ERCC8: variants seen among roughly 807,000 people sequenced by gnomAD.
ERCC8 encodes the protein ERCC excision repair 8, CSA ubiquitin ligase complex subunit.
In ERCC8, 52 loss-of-function variants were observed where a neutral mutation model predicts 54.9. The ratio of observed to expected loss-of-function variants is 0.95; its 90% CI spans 0.76 to 1.19. The LOEUF is 1.19. Among genes scored for constraint, ERCC8 ranks in the 50% most tolerant of loss-of-function variants. The pLI, the probability that ERCC8 is intolerant of heterozygous loss-of-function variation, is 0.00. For missense variants in ERCC8, 514 were observed against 466.1 expected (o/e 1.10, Z -0.95); for synonymous variants, 146 against 157.2 (o/e 0.93, Z 0.53).
intron 5 of ERCC8, 108 bp downstream of exon 5, chr5:60,904,657 TATATATATATATATATATATATATATA>T: frequency 3.0e-5 from 4 of 135,534 alleles, no homozygotes; most frequent in East Asian, 2.1e-4. Flanking sequence ...TATATATATA[TATATATATATATATATATATATATATA>T]AAATTGTGAT....
chr5:60,918,673 T>C (rs966124539), intron 3 of ERCC8: 1 of 411,484 alleles, frequency 2.4e-6, no homozygotes, highest in Non-Finnish European at 4.5e-6. Context: ...CCAACTACAC[T>C]GGTCTTCTTT....
chr5:60,911,901 T>C (rs1320508552), intron 4 of ERCC8, among the ~76,000 whole-genome samples: 2 of 152,176 alleles, frequency 1.3e-5, no homozygotes, highest in African/African-American at 2.4e-5. Flanking sequence ...TGGATGGTTG[T>C]AGATGTGTGG....
In ERCC8 at chr5:60,870,651, G is replaced by C. The variant is rs1235735993; in HGVS notation, c.*3964C>G. On this transcript the variant is annotated 3_prime_UTR_variant, in exon 12 of 12. Coordinates refer to ENST00000676185, the MANE Select transcript of ERCC8 (RefSeq NM_000082.4). ...CCCTCTAGTCTGGGTGACAGAATGA[G>C]ATTTTGTCTCAAAAAAAAAAAAGGG... is the stretch of plus-strand genomic sequence containing the variant. Among the ~76,000 whole-genome samples, 1 of 149,262 alleles carries C rather than the reference G, an allele frequency of 6.7e-6. No individual in the cohort carries two copies. Among genetic ancestry groups the C allele is most frequent in the African/African-American group, 2.5e-5 (1 of 40,400 alleles).
chr5:60,882,537 G>A (rs1486951358), intron 11 of ERCC8, among the ~76,000 whole-genome samples: 1 of 152,068 alleles, frequency 6.6e-6, no homozygotes, highest in Non-Finnish European at 1.5e-5. Flanking sequence ...TGTGACTACA[G>A]GCGCATGCCA....
chr5:60,921,403 G>A (rs1749596623), intron 3 of ERCC8, among the ~76,000 whole-genome samples: 2 of 151,872 alleles, frequency 1.3e-5, no homozygotes, highest in Admixed American at 1.3e-4. Context: ...TTGAATGTAG[G>A]TGAAGAGAAA....
intron 1 of ERCC8, among the ~76,000 whole-genome samples, chr5:60,938,498 C>T (rs574246018): frequency 9.9e-4 from 151 of 151,990 alleles, no homozygotes; most frequent in Middle Eastern, 3.4e-3. Context: ...GGATTACAGG[C>T]GTGTGCCACC....
chr5:60,894,587 GC>G (rs1041986019), intron 9 of ERCC8, among the ~76,000 whole-genome samples: 8 of 150,904 alleles, frequency 5.3e-5, no homozygotes, highest in African/African-American at 2.0e-4. Flanking sequence ...GGTGTAGTGT[GC>G]AGGCTCAGCA....
chr5:60,933,216 CTTTTTTTTTTT>C (rs143139297), intron 1 of ERCC8, among the ~76,000 whole-genome samples: 6 of 89,486 alleles, frequency 6.7e-5, no homozygotes, highest in Admixed American at 3.4e-4. Context: ...CCTTTTTTTT[CTTTTTTTTTTT>C]TTTTTTTTTG....
intron 5 of ERCC8, among the ~76,000 whole-genome samples, 175 bp from the exon 6 acceptor site, chr5:60,903,891 TAC>T (rs1252603920): frequency 1.3e-5 from 2 of 152,098 alleles, no homozygotes; most frequent in Admixed American, 6.6e-5. Context: ...TTATTTTAAC[TAC>T]AGTTATATTT....
At chr5:60,876,741 T>C (rs1293616125) in intron 11 of ERCC8, among the ~76,000 whole-genome samples, 1 of 152,236 alleles carries the variant, frequency 6.6e-6, no homozygotes, top group Non-Finnish European at 1.5e-5. Context: ...GTTTTTTTCT[T>C]GTAAATTTGT....
At position 60,871,323 on chromosome 5, in the gene ERCC8, T is replaced by C. The variant is rs751385139; in HGVS notation, c.*3292A>G. ...TGTTATAACAAATGACAGAGAGGGA[T>C]TTATATAAGCTGTAACTGCAAAATA... On this transcript the variant is annotated 3_prime_UTR_variant, in exon 12 of 12. Coordinates refer to ENST00000676185, the MANE Select transcript of ERCC8 (RefSeq NM_000082.4). Among the ~76,000 whole-genome samples, 3 of 152,220 alleles carry C rather than the reference T, an allele frequency of 2.0e-5. No homozygotes were observed. Among genetic ancestry groups the C allele is most frequent in the Non-Finnish European group, 4.4e-5 (3 of 68,038 alleles).
chr5:60,916,857 T>C (rs144355002), intron 4 of ERCC8, among the ~76,000 whole-genome samples: 15 of 152,146 alleles, frequency 9.9e-5, no homozygotes, highest in African/African-American at 3.6e-4. Flanking sequence ...TACTCAGCAG[T>C]TACTGTACAT....
chr5:60,878,562 C>T (rs1448772515), intron 11 of ERCC8, among the ~76,000 whole-genome samples: 3 of 152,156 alleles, frequency 2.0e-5, no homozygotes, highest in Non-Finnish European at 2.9e-5. Flanking sequence ...TGTTATTGGT[C>T]TATTCAGAGA....
chr5:60,924,933 G>A (rs1749704183), intron 2 of ERCC8, among the ~76,000 whole-genome samples: 1 of 151,928 alleles, frequency 6.6e-6, no homozygotes, highest in African/African-American at 2.4e-5. Context: ...TTTATTATAT[G>A]TTTATAAAAC....
intron 1 of ERCC8, among the ~76,000 whole-genome samples, chr5:60,931,223 A>C (rs1439033295): frequency 6.6e-6 from 1 of 152,192 alleles, no homozygotes; most frequent in Non-Finnish European, 1.5e-5. Flanking sequence ...TCTCCTGATT[A>C]TAAGATTAAT....
chr5:60,933,028 C>T (rs1013339336), intron 1 of ERCC8, among the ~76,000 whole-genome samples: 2 of 152,022 alleles, frequency 1.3e-5, no homozygotes, highest in African/African-American at 2.4e-5. Context: ...TGGCTTAGTT[C>T]GTTTCCATGC....
intron 4 of ERCC8, among the ~76,000 whole-genome samples, chr5:60,913,864 C>G (rs1749347325): frequency 6.6e-6 from 1 of 152,102 alleles, no homozygotes; most frequent in African/African-American, 2.4e-5. Flanking sequence ...AGTAGTTATT[C>G]AGGAGCAGGT....
chr5:60,893,464 C>G (rs1561499566), intron 9 of ERCC8: 1 of 961,636 alleles, frequency 1.0e-6, no homozygotes, highest in African/African-American at 1.6e-5. Context: ...AGTGAACAAA[C>G]TGAGGAGCAG....
At chr5:60,928,754 T>A in intron 2 of ERCC8, 110 bp downstream of exon 2, 1 of 663,104 alleles carries the variant, frequency 1.5e-6, no homozygotes, top group South Asian at 2.0e-5. Context: ...TGCTACAATT[T>A]AGGATTTTCA....
Sources: allele counts gnomAD v4.1 joint callset (sites outside exome capture counted in the v4.1 genomes callset), GRCh38; gene constraint gnomAD v4.1.1; transcripts MANE v1.5; gene names NCBI Gene and HGNC (gene_info 2026-07-23, HGNC 2026-07-21).